The following ABCA5 variants were observed in gnomAD, a reference collection of about 807,000 sequenced individuals.
ABCA5 encodes the protein cholesterol transporter ABCA5.
ABCA5 carries 163 observed loss-of-function variants against 206.0 expected under a neutral mutation model. The observed-to-expected ratio is 0.79, with a 90% CI of 0.70 to 0.90. The LOEUF (loss-of-function observed/expected upper bound fraction) is 0.90, where lower values mean the gene tolerates loss of function less well. Among genes scored for constraint, ABCA5 ranks in the 40% least tolerant of loss-of-function variants. ABCA5 has a pLI of 0.00. For missense variants in ABCA5, 1,859 were observed against 1,912.9 expected (o/e 0.97, Z 0.53); for synonymous variants, 609 against 613.8 (o/e 0.99, Z 0.11).
intron 20 of ABCA5, among the ~76,000 whole-genome samples, chr17:69,271,643 GCTGCTGCTGCTGCTGCCACCA>G (rs892094179): frequency 2.0e-5 from 3 of 149,010 alleles, no homozygotes; most frequent in African/African-American, 7.6e-5. Flanking sequence ...TATTTTAGCT[GCTGCTGCTGCTGCTGCCACCA>G]CTGCTGCTGC....
intron 19 of ABCA5, among the ~76,000 whole-genome samples, chr17:69,276,581 A>G (rs989393299): frequency 1.3e-5 from 2 of 152,126 alleles, no homozygotes; most frequent in African/African-American, 4.8e-5. Flanking sequence ...ACATGTTCTC[A>G]CTCATAAGTG....
rs747127048 is a variant in ABCA5, at chr17:69,309,291, G to A, written c.440C>T (p.Pro147Leu). The A allele has an allele frequency of 1.3e-5, 20 of 1,590,480 alleles. No individual in the cohort carries two copies. The Admixed American group carries it at 1.3e-4, about 11-fold the overall frequency. The stretch of plus-strand genomic sequence containing the variant: ...TGAATCCATATAAATAGAAGATACT[G>A]GAATCATATCAGGAAAAAAACGAAG... ...YELRFFPDMI[P>L]VSSIYMDSRA... is the part of the protein sequence containing the mutation. Residue 147 changes from proline (P) to leucine (L), a missense_variant, in exon 4 of 39, where the codon CCA becomes CTA. By Grantham distance (98) the Pro-to-Leu change is moderately conservative (BLOSUM62 -3). Transcript: ENST00000392676.
Position 69,313,270 on chromosome 17 carries a change from TA to T in ABCA5, c.128del (p.Leu43TyrfsTer4), listed in dbSNP as rs751512043. On this transcript the variant is annotated frameshift_variant, in exon 3 of 39. Transcript: ENST00000392676. LOFTEE classifies it high-confidence loss of function. ...VQEILFPLFF[L>X]FWLILISMMH... ...TCATGCTAATTAATATTAACCAAAA[TA>T]AAAAAAATAGTGGAAAAAGAATTTC... 8.6e-5 allele frequency: 122 copies of T among 1,416,758 alleles called. No individual in the cohort carries two copies. The highest frequency in any genetic ancestry group is 2.2e-4 in the Admixed American group (11 of 50,212). The allele number at this position is 1,416,758 out of a possible 1,614,324, so 87.8% of individuals were successfully genotyped here. A position where few individuals can be genotyped will look rare whatever the true frequency, so the allele number is the denominator to read the frequency against.
At chr17:69,300,715 G>A (rs1394428927) in intron 9 of ABCA5, among the ~76,000 whole-genome samples, 1 of 152,122 alleles carries the variant, frequency 6.6e-6, no homozygotes, top group East Asian at 1.9e-4. Context: ...AAGTGGAAAA[G>A]GAAATATGCT....
chr17:69,279,835 GA>G (rs1318183055), intron 18 of ABCA5, among the ~76,000 whole-genome samples: 1 of 152,184 alleles, frequency 6.6e-6, no homozygotes, highest in African/African-American at 2.4e-5. Flanking sequence ...GCCATATGTA[GA>G]AAGCTGAAAC....
At chr17:69,266,571 AATATAT>A (rs201203170) in intron 23 of ABCA5, among the ~76,000 whole-genome samples, 5 of 146,538 alleles carry the variant, frequency 3.4e-5, no homozygotes, top group African/African-American at 1.2e-4. Flanking sequence ...GTATAATAAA[AATATAT>A]ATATATATAA....
At chr17:69,283,811 T>C in intron 18 of ABCA5, 142 bp downstream of exon 18, 1 of 680,606 alleles carries the variant, frequency 1.5e-6, no homozygotes, top group Non-Finnish European at 2.0e-6. Flanking sequence ...ATTACTCCTA[T>C]CACTATCAGT....
chr17:69,253,514 A>G, intron 34 of ABCA5, 59 bp downstream of exon 34: 3 of 1,158,998 alleles, frequency 2.6e-6, no homozygotes, highest in Non-Finnish European at 3.8e-6. Context: ...AACTATTATA[A>G]TAAAAGAAAC....
At chr17:69,282,824 A>G (rs2075409939) in intron 18 of ABCA5, among the ~76,000 whole-genome samples, 1 of 150,986 alleles carries the variant, frequency 6.6e-6, no homozygotes, top group African/African-American at 2.4e-5. Flanking sequence ...CCACAAACCT[A>G]TTCTTCCCCT....
rs377373836 is a variant in ABCA5 at position 69,271,273 on chromosome 17, A to G, written c.2781T>C (p.Asp927=). ...TCTGGCTTGTGAAAAAGCTAATAAG[A>G]TCACTGATATCTGAGTCTGGTGTTA... is the stretch of plus-strand genomic sequence containing the variant. ...LQNSADSDIS[D]LISFFTSQNI... is the part of the protein sequence containing the mutation. The change falls in exon 21 of 39, where the codon GAT becomes GAC. Residue 927 remains aspartate (D), a synonymous_variant. Coordinates refer to ENST00000392676, the MANE Select transcript of ABCA5 (RefSeq NM_172232.4). 2 of 1,611,006 alleles carry G rather than the reference A, an allele frequency of 1.2e-6. No individual in the cohort carries two copies.
chr17:69,285,281 GC>G (rs2075438028), intron 17 of ABCA5: 1 of 151,122 alleles, frequency 6.6e-6, no homozygotes, highest in Admixed American at 6.7e-5. Flanking sequence ...CATTAAGTTG[GC>G]AAGTGTACTT....
At chr17:69,272,632 C>T (rs145856725) in intron 20 of ABCA5, among the ~76,000 whole-genome samples, 2,590 of 151,970 alleles carry the variant, frequency 0.017, 73 homozygotes, top group African/African-American at 0.058. Flanking sequence ...AAAACCAAAA[C>T]GAGAATTCAT....
At chr17:69,303,814 ATATATATATATG>A (rs1370625494) in intron 7 of ABCA5, among the ~76,000 whole-genome samples, 2 of 6,410 alleles carry the variant, frequency 3.1e-4, no homozygotes, top group African/African-American at 3.5e-4. Context: ...ATATACATAC[ATATATATATATG>A]TATATATATA....
At chr17:69,325,855 A>G (rs2075893799) in intron 1 of ABCA5, 1 of 152,178 alleles carries the variant, frequency 6.6e-6, no homozygotes, top group African/African-American at 2.4e-5. Context: ...CATGGAATGT[A>G]CTAATAAATT....
In ABCA5 at chr17:69,251,849, G is replaced by A. The variant is rs753638194; in HGVS notation, c.4433C>T (p.Ala1478Val). The A allele has an allele frequency of 2.5e-6, 4 of 1,613,436 alleles. No homozygotes were observed. Among genetic ancestry groups the A allele is most frequent in the Non-Finnish European group, 3.4e-6 (4 of 1,179,880 alleles). Residue 1478 changes from alanine (A) to valine (V), a missense_variant, in exon 35 of 39, where the codon GCA (alanine) becomes GTA (valine). Transcript: ENST00000392676. Reference protein sequence around the residue: ...KQHMWRAIRTAFKNRKRAAIL... With the variant: ...KQHMWRAIRTVFKNRKRAAIL... ...AGCAGCCCGCTTTCTGTTTTTAAAT[G>A]CAGTTCGAATTGCTCGCCTATAAAA... is the stretch of plus-strand genomic sequence containing the variant.
At chr17:69,273,936 C>T in intron 20 of ABCA5, 23 bp downstream of exon 20, 2 of 1,582,644 alleles carry the variant, frequency 1.3e-6, no homozygotes, top group Non-Finnish European at 1.7e-6. Context: ...AACACTCGTT[C>T]ACAGACCTTC....
intron 9 of ABCA5, among the ~76,000 whole-genome samples, chr17:69,300,252 G>A (rs141869424): frequency 6.6e-5 from 10 of 152,206 alleles, no homozygotes; most frequent in South Asian, 2.1e-4. Flanking sequence ...TGCGCGGTTC[G>A]CAATAGGGTT....
intron 37 of ABCA5, chr17:69,249,656 C>A: frequency 2.3e-6 from 1 of 435,642 alleles, no homozygotes; most frequent in East Asian, 3.5e-5. Context: ...TACAAAATCC[C>A]TATGACATTA....
Position 69,308,294 on chromosome 17 carries a change from C to A in ABCA5, c.544G>T (p.Ala182Ser), listed in dbSNP as rs963351666. The A allele has an allele frequency of 1.2e-6, 2 of 1,605,192 alleles. No individual in the cohort carries two copies. Among genetic ancestry groups the A allele is most frequent in the African/African-American group, 2.7e-5 (2 of 74,692 alleles). ...ATCATATTTACCTGTATAATGGCAG[C>A]ATCTATGGATGCTTGTAAAACTGTG... ...GFTVLQASID[A>S]AIIQLKTNVS... The change falls in exon 5 of 39, where the codon GCT (alanine) becomes TCT (serine). Residue 182 changes from alanine to serine, a missense_variant. Physicochemically the swap from Ala to Ser is moderately conservative, Grantham distance 99. Coordinates refer to ENST00000392676, the MANE Select transcript of ABCA5 (RefSeq NM_172232.4).
Sources: gnomAD v4.1 joint callset for allele counts (sites outside exome capture counted in the v4.1 genomes callset) on GRCh38, gnomAD v4.1.1 for gene constraint, MANE v1.5 for transcripts, NCBI Gene and HGNC (gene_info 2026-07-23, HGNC 2026-07-21) for gene names.